ASH1L: variants seen among roughly 807,000 people sequenced by gnomAD.
ASH1L encodes histone-lysine N-methyltransferase ASH1L.
ASH1L carries 23 observed loss-of-function variants against 269.0 expected under a neutral mutation model. That is an observed-to-expected ratio of 0.09 (90% CI 0.06 to 0.12). The LOEUF (loss-of-function observed/expected upper bound fraction) is 0.12, where lower values mean the gene tolerates loss of function less well. Ranked by LOEUF, ASH1L falls within the 10% of genes least tolerant of loss-of-function variation. ASH1L has a pLI of 1.00. For synonymous variants in ASH1L, 1,187 were observed against 1,253.5 expected, an observed-to-expected ratio of 0.95 and a Z score of 1.12; for missense variants, 2,912 against 3,567.8, an observed-to-expected ratio of 0.82 and a Z score of 4.68.
At chr1:155,527,934 T>C (rs978771196) in intron 1 of ASH1L, among the ~76,000 whole-genome samples, 1 of 152,268 alleles carries the variant, frequency 6.6e-6, no homozygotes, top group East Asian at 1.9e-4. Context: ...GACCTTTAAA[T>C]ACTGGAGTGA....
chr1:155,488,035 C>A (rs111269942), intron 2 of ASH1L, among the ~76,000 whole-genome samples: 1 of 151,772 alleles, frequency 6.6e-6, no homozygotes, highest in Admixed American at 6.6e-5. Context: ...TACAGGAGCC[C>A]GCCAGCAGGC....
intron 17 of ASH1L, among the ~76,000 whole-genome samples, chr1:155,349,799 C>CCTCCA (rs1257925916): frequency 1.4e-5 from 2 of 146,194 alleles, no homozygotes; most frequent in African/African-American, 5.1e-5. Flanking sequence ...CTCACTGCAA[C>CCTCCA]CTCCACCTCC....
At chr1:155,451,306 C>A (rs998742334) in intron 4 of ASH1L, among the ~76,000 whole-genome samples, 3 of 152,034 alleles carry the variant, frequency 2.0e-5, no homozygotes, top group African/African-American at 7.2e-5. Flanking sequence ...TATGGTTCCA[C>A]TTTAGTGGGT....
intron 2 of ASH1L, among the ~76,000 whole-genome samples, chr1:155,514,515 GT>G (rs899223318): frequency 2.6e-5 from 4 of 151,762 alleles, no homozygotes; most frequent in African/African-American, 9.7e-5. Context: ...CTCACTTTAT[GT>G]TTTTTTGCTA....
At chr1:155,413,470 G>A (rs893988856) in intron 6 of ASH1L, among the ~76,000 whole-genome samples, 17 of 152,254 alleles carry the variant, frequency 1.1e-4, no homozygotes, top group African/African-American at 3.1e-4. Context: ...AGCTGGGCAC[G>A]GTGGTGGGTG....
At chr1:155,352,646 T>TA in intron 17 of ASH1L, 60 bp downstream of exon 17, 6 of 1,481,254 alleles carry the variant, frequency 4.1e-6, no homozygotes, top group South Asian at 2.8e-5. Flanking sequence ...CTCTATTTAT[T>TA]TAAAAAAAAA....
intron 3 of ASH1L, among the ~76,000 whole-genome samples, chr1:155,471,163 G>A (rs1404211192): frequency 6.6e-6 from 1 of 152,200 alleles, no homozygotes; most frequent in Non-Finnish European, 1.5e-5. Flanking sequence ...TTGTGAAGAA[G>A]ATGGAGAGAT....
chr1:155,391,241 T>C (rs1657906003), intron 7 of ASH1L, among the ~76,000 whole-genome samples: 1 of 152,196 alleles, frequency 6.6e-6, no homozygotes, highest in East Asian at 1.9e-4. Flanking sequence ...CCATCACACC[T>C]GGCTGACAAT....
At chr1:155,448,683 G>T (rs1182902426) in intron 4 of ASH1L, among the ~76,000 whole-genome samples, 1 of 151,992 alleles carries the variant, frequency 6.6e-6, no homozygotes, top group Non-Finnish European at 1.5e-5. Flanking sequence ...TTTTAGTAGA[G>T]ACTGGGTTTC....
At chr1:155,531,935 A>G (rs141295199) in intron 1 of ASH1L, among the ~76,000 whole-genome samples, 90 of 152,362 alleles carry the variant, frequency 5.9e-4, no homozygotes, top group Non-Finnish European at 1.1e-3. Flanking sequence ...CTTTCAAAGC[A>G]ATGTTCATTG....
intron 3 of ASH1L, among the ~76,000 whole-genome samples, chr1:155,471,697 T>C (rs1243456238): frequency 6.6e-6 from 1 of 152,272 alleles, no homozygotes; most frequent in African/African-American, 2.4e-5. Context: ...AATCATACTA[T>C]AGTGCTTTCA....
chr1:155,414,065 T>C (rs1454769245), intron 6 of ASH1L, among the ~76,000 whole-genome samples: 2 of 152,182 alleles, frequency 1.3e-5, no homozygotes, highest in Non-Finnish European at 2.9e-5. Context: ...TCAATTACTT[T>C]AACACCACCA....
At chr1:155,423,206 C>A (rs1248953795) in intron 5 of ASH1L, among the ~76,000 whole-genome samples, 1 of 151,796 alleles carries the variant, frequency 6.6e-6, no homozygotes, top group Non-Finnish European at 1.5e-5. Flanking sequence ...ACCTCGGCCT[C>A]CCAAAGTGTT....
chr1:155,555,496 CAAAAAAAA>C (rs57151613), intron 1 of ASH1L, among the ~76,000 whole-genome samples: 1 of 55,096 alleles, frequency 1.8e-5, no homozygotes, highest in Non-Finnish European at 4.3e-5. Context: ...GACTCTGTCT[CAAAAAAAA>C]AAAAAAAAAA....
In ASH1L at chr1:155,433,199, C is replaced by T. The variant is rs557395463; in HGVS notation, c.5828+5128G>A. On this transcript the variant is annotated intron_variant, in intron 5 of 27. Transcript: ENST00000392403. ...TTCCCCATGGCGGGACACCTGGCTT[C>T]GGATGCCTGCCTTCTTGCCCCCTCC... 88 of 1,542,640 alleles carry T rather than the reference C, an allele frequency of 5.7e-5. 1 individual carries two copies. The African/African-American group carries it at 8.5e-4, about 15-fold the overall frequency.
At chr1:155,494,540 A>T (rs917787985) in intron 2 of ASH1L, among the ~76,000 whole-genome samples, 6 of 152,226 alleles carry the variant, frequency 3.9e-5, no homozygotes, top group African/African-American at 1.4e-4. Flanking sequence ...GAAGGTGGCA[A>T]GTGTTAGGGG....
intron 2 of ASH1L, among the ~76,000 whole-genome samples, chr1:155,503,225 A>C (rs1667625242): frequency 6.6e-6 from 1 of 152,248 alleles, no homozygotes; most frequent in East Asian, 1.9e-4. Flanking sequence ...GAAAGATGTT[A>C]GGATCATTTT....
intron 4 of ASH1L, among the ~76,000 whole-genome samples, chr1:155,455,875 TC>T (rs1663828268): frequency 6.6e-6 from 1 of 152,214 alleles, no homozygotes; most frequent in Admixed American, 6.5e-5. Context: ...TTTTTCTTCC[TC>T]CTTCCAAAGC....
At chr1:155,457,307 AC>A (rs1345141002) in intron 4 of ASH1L, among the ~76,000 whole-genome samples, 1 of 152,216 alleles carries the variant, frequency 6.6e-6, no homozygotes, top group African/African-American at 2.4e-5. Context: ...AATGAAAAAA[AC>A]ATACCATATA....
Sources: gnomAD v4.1 joint callset for allele counts (sites outside exome capture counted in the v4.1 genomes callset) on GRCh38, gnomAD v4.1.1 for gene constraint, MANE v1.5 for transcripts, NCBI Gene and HGNC (gene_info 2026-07-23, HGNC 2026-07-21) for gene names.